The following TMEM260 variants were observed in gnomAD, a reference collection of about 807,000 sequenced individuals.
TMEM260 encodes the protein transmembrane protein 260.
TMEM260 carries 82 observed loss-of-function variants against 88.9 expected under a neutral mutation model. The observed-to-expected ratio is 0.92, with a 90% confidence interval of 0.77 to 1.11. The LOEUF is 1.11. Among genes scored for constraint, TMEM260 ranks in the 50% least tolerant of loss-of-function variants. TMEM260 has a pLI of 0.00. For synonymous variants in TMEM260, 314 were observed against 309.3 expected (o/e 1.02, Z -0.16); for missense variants, 902 against 853.4 (o/e 1.06, Z -0.71).
downstream of TMEM260, among the ~76,000 whole-genome samples, chr14:56,653,330 CAT>C (rs150424981): frequency 2.1e-4 from 32 of 152,164 alleles, no homozygotes; most frequent in African/African-American, 6.0e-4. Context: ...ACATATATGT[CAT>C]ATATGTGTGT....
intron 5 of TMEM260, among the ~76,000 whole-genome samples, chr14:56,606,014 T>C (rs1188113565): frequency 6.6e-6 from 1 of 152,206 alleles, no homozygotes; most frequent in East Asian, 1.9e-4. Context: ...TGTGCCATCA[T>C]ACTTCATTTA....
intron 4 of TMEM260, among the ~76,000 whole-genome samples, chr14:56,605,246 A>G (rs1020571707): frequency 1.3e-5 from 2 of 152,222 alleles, no homozygotes; most frequent in East Asian, 1.9e-4. Flanking sequence ...CTGAATTTCA[A>G]TTATAGATTT....
chr14:56,581,129 A>G (rs919237235), intron 1 of TMEM260, among the ~76,000 whole-genome samples: 1 of 152,220 alleles, frequency 6.6e-6, no homozygotes, highest in African/African-American at 2.4e-5. Flanking sequence ...TTCTGTCAAG[A>G]AAAAGATGAA....
intron 3 of TMEM260, among the ~76,000 whole-genome samples, chr14:56,596,381 A>AGAGAGTGT (rs1555334739): frequency 5.5e-5 from 7 of 126,576 alleles, no homozygotes; most frequent in South Asian, 2.6e-4. Context: ...TATATGTGAG[A>AGAGAGTGT]GTGTGTGTGT....
intron 12 of TMEM260, among the ~76,000 whole-genome samples, chr14:56,628,106 A>C (rs955460740): frequency 6.6e-6 from 1 of 152,216 alleles, no homozygotes; most frequent in Non-Finnish European, 1.5e-5. Context: ...GTTTCTAAGT[A>C]ATATTTCATT....
At chr14:56,660,117 G>T in the TMEM260 span, among the ~76,000 whole-genome samples, 2 of 152,178 alleles carry the variant, frequency 1.3e-5, no homozygotes, top group Admixed American at 6.5e-5. Flanking sequence ...GAAATAATGC[G>T]ACTTGCCTTG....
At chr14:56,616,056 T>A in intron 8 of TMEM260, 29 bp downstream of exon 8, 2 of 1,489,388 alleles carry the variant, frequency 1.3e-6, no homozygotes, top group Non-Finnish European at 1.9e-6. Context: ...TTTTCTGTTA[T>A]TTTTCTATGT....
downstream of TMEM260, chr14:56,650,165 A>G (rs1481532343): frequency 9.0e-6 from 4 of 445,326 alleles, no homozygotes; most frequent in Non-Finnish European, 1.8e-5. Flanking sequence ...CTCATGCAAG[A>G]TTTGGCCAGC....
Position 56,621,591 on chromosome 14 carries a change from T to C in TMEM260, c.1287T>C (p.Ser429=), listed in dbSNP as rs769592027. The change falls in exon 11 of 16, where the codon TCT becomes TCC. Residue 429 remains serine, a synonymous_variant. Coordinates refer to ENST00000261556, the MANE Select transcript of TMEM260 (RefSeq NM_017799.4). The part of the protein sequence containing the change: ...IDKFAKNLLT[S]MPHDAIILLR... ...AGTTCGCAAAGAACCTTCTCACCTC[T>C]ATGCCTCATGATGCAATTATCTTAC... The C allele has an allele frequency of 6.2e-7, 1 of 1,613,712 alleles. No individual in the cohort carries two copies. The highest frequency in any genetic ancestry group is 1.1e-5 in the South Asian group (1 of 90,978).
intron 7 of TMEM260, among the ~76,000 whole-genome samples, chr14:56,614,260 G>T (rs2139580757): frequency 6.8e-6 from 1 of 146,256 alleles, no homozygotes; most frequent in African/African-American, 2.5e-5. Context: ...TGCACCTGTA[G>T]TTGCAGCTAC....
the TMEM260 span, among the ~76,000 whole-genome samples, chr14:56,658,282 C>G: frequency 6.6e-6 from 1 of 152,118 alleles, no homozygotes; most frequent in Non-Finnish European, 1.5e-5. Context: ...GAGTCTTACT[C>G]TGTTGCCCAG....
chr14:56,622,879 T>G (rs1041315), intron 11 of TMEM260, among the ~76,000 whole-genome samples: 105,582 of 152,056 alleles, frequency 0.69, 38,484 homozygotes, highest in Non-Finnish European at 0.81. Context: ...AGCAGTTGCA[T>G]TTATATCATG....
chr14:56,630,364 CCTT>C (rs1888508914), intron 12 of TMEM260, among the ~76,000 whole-genome samples: 1 of 152,158 alleles, frequency 6.6e-6, no homozygotes, highest in Non-Finnish European at 1.5e-5. Context: ...TTTCTTTTCT[CCTT>C]CTGAGACTCT....
chr14:56,605,872 G>A (rs1339780610), intron 5 of TMEM260, among the ~76,000 whole-genome samples, 189 bp downstream of exon 5: 4 of 152,124 alleles, frequency 2.6e-5, no homozygotes, highest in African/African-American at 9.7e-5. Flanking sequence ...TGATTGCAGT[G>A]GCATCTGGCC....
chr14:56,644,430 C>T (rs1372988624), intron 15 of TMEM260, among the ~76,000 whole-genome samples: 1 of 152,238 alleles, frequency 6.6e-6, no homozygotes, highest in East Asian at 1.9e-4. Flanking sequence ...ATAAATGGTG[C>T]TGGGAAAACT....
chr14:56,622,212 A>G (rs1209874501), intron 11 of TMEM260, among the ~76,000 whole-genome samples: 3 of 151,654 alleles, frequency 2.0e-5, no homozygotes, highest in Admixed American at 6.6e-5. Flanking sequence ...GTGTGGTGGC[A>G]CGCGCCTGTA....
At chr14:56,581,540 A>T (rs775613162) in intron 1 of TMEM260, among the ~76,000 whole-genome samples, 1 of 152,222 alleles carries the variant, frequency 6.6e-6, no homozygotes, top group Non-Finnish European at 1.5e-5. Context: ...TTGTAAAAAA[A>T]TAAAAAGATT....
chr14:56,647,314 T>C lies in TMEM260; in HGVS notation c.1941T>C (p.Cys647=), dbSNP rs1890028771. The change falls in exon 16 of 16, where the codon TGT becomes TGC. Residue 647 remains cysteine, a synonymous_variant. Coordinates refer to ENST00000261556, the MANE Select transcript of TMEM260 (RefSeq NM_017799.4). ...VNWHKNYAIA[C]ERMLRLQARD... is the part of the protein sequence containing the mutation. Reference sequence around the variant, plus strand: ...GGCACAAGAACTATGCCATCGCCTGTGAGCGGATGCTGCGTCTTCAGGCAA... The same window carrying C: ...GGCACAAGAACTATGCCATCGCCTGCGAGCGGATGCTGCGTCTTCAGGCAA... The C allele has an allele frequency of 3.1e-6, 5 of 1,614,164 alleles. No individual in the cohort carries two copies. The highest frequency in any genetic ancestry group is 4.2e-6 in the Non-Finnish European group (5 of 1,180,026).
chr14:56,630,905 G>A lies in TMEM260; in HGVS notation c.1548-2090G>A, dbSNP rs75801596. ...TTCTGTGAACTGTGGTTGCAATACC[G>A]GTTCTGTTTCCAAAGCATTTGCAGT... On this transcript the variant is annotated intron_variant, in intron 12 of 15. Transcript: ENST00000261556. Among the ~76,000 whole-genome samples, 1,470 of 152,182 alleles carry A rather than the reference G, an allele frequency of 9.7e-3. 44 individuals carry two copies. In the East Asian group the frequency reaches 0.098, roughly 10 times the overall value.
Sources: gnomAD v4.1 joint callset for allele counts (sites outside exome capture counted in the v4.1 genomes callset) on GRCh38, gnomAD v4.1.1 for gene constraint, MANE v1.5 for transcripts, NCBI Gene and HGNC (gene_info 2026-07-23, HGNC 2026-07-21) for gene names.